Variants in CYTIP observed in about 807,000 individuals in gnomAD.
The protein encoded by CYTIP is cytohesin-interacting protein.
A neutral mutation model predicts 43.8 loss-of-function variants in CYTIP; 26 were observed. The observed-to-expected ratio is 0.59, with a 90% CI of 0.44 to 0.82. The LOEUF (loss-of-function observed/expected upper bound fraction) is 0.82, where lower values mean the gene tolerates loss of function less well. CYTIP is among the 40% of genes least tolerant of loss of function. The probability of loss-of-function intolerance (pLI) is 0.00; values close to 1 mark genes in which losing one functional copy is unlikely to be tolerated. For missense variants in CYTIP, 426 were observed against 443.1 expected (o/e 0.96, Z 0.35); for synonymous variants, 162 against 162.9 (o/e 0.99, Z 0.04).
chr2:157,416,202 A>C, intron 7 of CYTIP, 59 bp from the exon 8 acceptor site: 1 of 1,332,974 alleles, frequency 7.5e-7, no homozygotes, highest in Non-Finnish European at 1.0e-6. Flanking sequence ...AAATAAATAC[A>C]CTACATCAAA....
At chr2:157,441,104 C>A (rs570245991) in intron 1 of CYTIP, among the ~76,000 whole-genome samples, 1 of 152,282 alleles carries the variant, frequency 6.6e-6, no homozygotes, top group East Asian at 1.9e-4. Flanking sequence ...TAATTTGAAA[C>A]TACAAGCTAA....
intron 6 of CYTIP, 75 bp from the exon 7 acceptor site, chr2:157,418,664 G>A (rs755916756): frequency 5.2e-6 from 7 of 1,344,882 alleles, no homozygotes; most frequent in Non-Finnish European, 7.1e-6. Flanking sequence ...TTAATTCTAG[G>A]TGTTGAGATT....
At chr2:157,437,238 A>G (rs185672382) in intron 1 of CYTIP, among the ~76,000 whole-genome samples, 133 of 152,296 alleles carry the variant, frequency 8.7e-4, no homozygotes, top group Admixed American at 3.9e-3. Flanking sequence ...AACTAAAAAG[A>G]TTCTGCACAG....
At chr2:157,421,035 C>T (rs566477102) in intron 6 of CYTIP, among the ~76,000 whole-genome samples, 10 of 152,252 alleles carry the variant, frequency 6.6e-5, no homozygotes, top group African/African-American at 1.4e-4. Flanking sequence ...TTCAGTATGT[C>T]GTCACTTAAA....
Position 157,415,993 on chromosome 2 carries a change from A to G in CYTIP, c.764T>C (p.Met255Thr). ...SCKSWLSSMT[M>T]DSEDGYQTCV... ...CGTCTGGTAGCCATCTTCACTGTCC[A>G]TCGTCATGGAGCTCAGCCAGCTCTT... is the stretch of plus-strand genomic sequence containing the variant. The change falls in exon 8 of 8, where the codon ATG becomes ACG. Residue 255 changes from methionine to threonine, a missense_variant. By Grantham distance (81) the Met-to-Thr change is moderately conservative. Coordinates refer to ENST00000264192, the MANE Select transcript of CYTIP (RefSeq NM_004288.5). The G allele has an allele frequency of 6.2e-7, 1 of 1,614,188 alleles. No homozygotes were observed. The highest frequency in any genetic ancestry group is 2.2e-5 in the East Asian group (1 of 44,866).
rs15353 is a variant in CYTIP at position 157,415,379 on chromosome 2, A to G, written c.*298T>C. 1 of 251,256 alleles carries G rather than the reference A, an allele frequency of 4.0e-6. No homozygotes were observed. Among genetic ancestry groups the G allele is most frequent in the Non-Finnish European group, 7.8e-6 (1 of 128,422 alleles). 15.6% of individuals were successfully genotyped at this position (251,256 alleles called of 1,614,324 possible). ...TCTCAATTATTCACAGGGATAATCTAGAAAATAAATATTAGTTTTGCTTTC... is the reference window on the plus strand; with the variant it reads ...TCTCAATTATTCACAGGGATAATCTGGAAAATAAATATTAGTTTTGCTTTC... On this transcript the variant is annotated 3_prime_UTR_variant, in exon 8 of 8. Coordinates refer to ENST00000264192, the MANE Select transcript of CYTIP (RefSeq NM_004288.5).
rs138906793 is a variant in CYTIP, at chr2:157,435,938, A to C, written c.175-1191T>G. Among the ~76,000 whole-genome samples the C allele has an allele frequency of 2.6e-5, 4 of 152,334 alleles. No homozygotes were observed. In the East Asian group the frequency reaches 7.7e-4, roughly 29 times the overall value. Reference sequence around the variant, plus strand: ...TTAGGAGTGAAGCCTACATCACTGTAGGAATTTTGAATTACCAGGTACCAA... The same window carrying C: ...TTAGGAGTGAAGCCTACATCACTGTCGGAATTTTGAATTACCAGGTACCAA... On this transcript the variant is annotated intron_variant, in intron 1 of 7. Coordinates refer to ENST00000264192, the MANE Select transcript of CYTIP (RefSeq NM_004288.5).
Position 157,441,491 on chromosome 2 carries a change from T to C in CYTIP, c.174+2356A>G, listed in dbSNP as rs992300602. On this transcript the variant is annotated intron_variant, in intron 1 of 7. Transcript: ENST00000264192. The stretch of plus-strand genomic sequence containing the variant: ...TGGAAAGTCTACCACATGAAAGAAT[T>C]TGAGAGAAGGGGAATGAGAAGACCT... 4.6e-5 allele frequency among the ~76,000 whole-genome samples: 7 copies of C among 152,064 alleles called. 1 individual carries two copies. The highest frequency in any genetic ancestry group is 4.1e-4 in the South Asian group (2 of 4,822).
chr2:157,430,620 T>C lies in CYTIP; in HGVS notation c.415A>G (p.Thr139Ala), dbSNP rs1452309933. Reference sequence around the variant, plus strand: ...ACTTGTTTGTAGGTAAAACCTTCTGTGCTCACACCATTGATATTTGCAAGG... The same window carrying C: ...ACTTGTTTGTAGGTAAAACCTTCTGCGCTCACACCATTGATATTTGCAAGG... ...DVLANINGVS[T>A]EGFTYKQVVD... Residue 139 changes from threonine to alanine, a missense_variant, in exon 5 of 8, where the codon ACA becomes GCA. By Grantham distance (58) the Thr-to-Ala change is moderately conservative (BLOSUM62 0). Coordinates refer to ENST00000264192, the MANE Select transcript of CYTIP (RefSeq NM_004288.5). The C allele has an allele frequency of 6.2e-7, 1 of 1,614,206 alleles. No individual in the cohort carries two copies. The highest frequency in any genetic ancestry group is 1.7e-5 in the Admixed American group (1 of 60,022).
intron 6 of CYTIP, among the ~76,000 whole-genome samples, chr2:157,419,302 A>G (rs1421083279): frequency 6.6e-6 from 1 of 152,110 alleles, no homozygotes; most frequent in East Asian, 1.9e-4. Context: ...TTGGACAGCT[A>G]TTTATTTTCC....
At chr2:157,436,593 A>G (rs1167178137) in intron 1 of CYTIP, among the ~76,000 whole-genome samples, 1 of 151,952 alleles carries the variant, frequency 6.6e-6, no homozygotes, top group African/African-American at 2.4e-5. Flanking sequence ...CTATATATAT[A>G]TGTATACATA....
intron 5 of CYTIP, among the ~76,000 whole-genome samples, chr2:157,429,308 C>G (rs1198376521): frequency 6.6e-6 from 1 of 152,068 alleles, no homozygotes; most frequent in Non-Finnish European, 1.5e-5. Context: ...AGTGCTCTTA[C>G]GAGGAGTTCA....
intron 2 of CYTIP, 84 bp from the exon 3 acceptor site, chr2:157,434,508 C>A: frequency 8.7e-7 from 1 of 1,152,700 alleles, no homozygotes; most frequent in South Asian, 1.3e-5. Context: ...AAATAACTGT[C>A]ACAATTAAAA....
chr2:157,419,957 A>C (rs1685494229), intron 6 of CYTIP, among the ~76,000 whole-genome samples: 1 of 152,222 alleles, frequency 6.6e-6, no homozygotes, highest in South Asian at 2.1e-4. Flanking sequence ...TGCCAATATA[A>C]AATCGAGCAA....
At chr2:157,437,465 C>T (rs759895917) in intron 1 of CYTIP, among the ~76,000 whole-genome samples, 4 of 151,812 alleles carry the variant, frequency 2.6e-5, no homozygotes, top group Non-Finnish European at 5.9e-5. Flanking sequence ...CTTTGGGAGG[C>T]CAAGGAGGGT....
Position 157,414,986 on chromosome 2 carries a change from T to C in CYTIP, c.*691A>G, listed in dbSNP as rs1351258664. The C allele has an allele frequency of 6.6e-6, 1 of 152,196 alleles. No homozygotes were observed. The highest frequency in any genetic ancestry group is 1.9e-4 in the East Asian group (1 of 5,196). 9.4% of individuals were successfully genotyped at this position (152,196 alleles called of 1,614,324 possible). ...ATGTTCAGGCAGAACAAAAGCTGAA[T>C]TGGGCAAAAAACACGACATCCCCAC... is the stretch of plus-strand genomic sequence containing the variant. On this transcript the variant is annotated 3_prime_UTR_variant, in exon 8 of 8. Coordinates refer to ENST00000264192, the MANE Select transcript of CYTIP (RefSeq NM_004288.5).
At chr2:157,437,792 T>C (rs114350992) in intron 1 of CYTIP, among the ~76,000 whole-genome samples, 2,115 of 151,650 alleles carry the variant, frequency 0.014, 23 homozygotes, top group Non-Finnish European at 0.021. Context: ...TCACTCATCA[T>C]TGGGGTAATG....
At chr2:157,434,281 T>A in intron 3 of CYTIP, 89 bp downstream of exon 3, 1 of 1,060,418 alleles carries the variant, frequency 9.4e-7, no homozygotes, top group Middle Eastern at 2.0e-4. Flanking sequence ...CATTCTCTAA[T>A]CCTAACTTCA....
chr2:157,417,664 T>C (rs1248911907), intron 7 of CYTIP, among the ~76,000 whole-genome samples: 2 of 151,408 alleles, frequency 1.3e-5, no homozygotes, highest in Non-Finnish European at 2.9e-5. Flanking sequence ...AAAAGAGAAG[T>C]AACTTGTACA....
Sources: gnomAD v4.1 joint callset for allele counts (sites outside exome capture counted in the v4.1 genomes callset) on GRCh38, gnomAD v4.1.1 for gene constraint, MANE v1.5 for transcripts, NCBI Gene and HGNC (gene_info 2026-07-23, HGNC 2026-07-21) for gene names.